The following ATRNL1 variants were observed in gnomAD, a reference collection of about 807,000 sequenced individuals.
ATRNL1 encodes the protein attractin-like protein 1.
A neutral mutation model predicts 182.7 loss-of-function variants in ATRNL1; 95 were observed. The observed-to-expected ratio is 0.52, with a 90% confidence interval of 0.44 to 0.62. ATRNL1 has a LOEUF of 0.62. Among genes scored for constraint, ATRNL1 ranks in the 20% least tolerant of loss-of-function variants. ATRNL1 has a pLI of 0.00. For missense variants in ATRNL1, 1,471 were observed against 1,679.5 expected, an observed-to-expected ratio of 0.88 and a Z score of 2.17; for synonymous variants, 576 against 568.3, an observed-to-expected ratio of 1.01 and a Z score of -0.19.
At chr10:115,698,222 A>C (rs1354902658) in intron 26 of ATRNL1, among the ~76,000 whole-genome samples, 1 of 152,096 alleles carries the variant, frequency 6.6e-6, no homozygotes, top group Non-Finnish European at 1.5e-5. Flanking sequence ...TTTAATGCTC[A>C]TGAAACTAGT....
intron 19 of ATRNL1, among the ~76,000 whole-genome samples, chr10:115,351,163 T>C (rs1360236577): frequency 6.6e-6 from 1 of 152,168 alleles, no homozygotes; most frequent in Non-Finnish European, 1.5e-5. Context: ...TTTAGGTTTT[T>C]TGAAGTATAA....
At chr10:115,218,036 T>C (rs1554896647) in intron 9 of ATRNL1, among the ~76,000 whole-genome samples, 3 of 152,054 alleles carry the variant, frequency 2.0e-5, no homozygotes, top group African/African-American at 7.2e-5. Flanking sequence ...GGAGATGGTT[T>C]TGGAATGATT....
At chr10:115,383,082 T>C (rs1858117135) in intron 19 of ATRNL1, among the ~76,000 whole-genome samples, 1 of 151,638 alleles carries the variant, frequency 6.6e-6, no homozygotes, top group Non-Finnish European at 1.5e-5. Flanking sequence ...AAAATAATTT[T>C]TCTGTATTTA....
intron 28 of ATRNL1, among the ~76,000 whole-genome samples, chr10:115,879,782 A>T (rs1464871806): frequency 6.6e-6 from 1 of 152,194 alleles, no homozygotes; most frequent in African/African-American, 2.4e-5. Context: ...AGTGGCTGCA[A>T]GGAAAGCATT....
chr10:115,436,576 A>T, intron 21 of ATRNL1, among the ~76,000 whole-genome samples: 1 of 152,138 alleles, frequency 6.6e-6, no homozygotes, highest in East Asian at 1.9e-4. Flanking sequence ...AATTCTTAAT[A>T]ATTTTCAGCA....
intron 26 of ATRNL1, among the ~76,000 whole-genome samples, chr10:115,660,133 A>T (rs1205615496): frequency 1.3e-5 from 2 of 152,122 alleles, no homozygotes; most frequent in Non-Finnish European, 2.9e-5. Context: ...AGGGGGACGA[A>T]CCAATGTATA....
At chr10:115,942,209 A>G (rs1205364121) in intron 28 of ATRNL1, among the ~76,000 whole-genome samples, 7 of 152,252 alleles carry the variant, frequency 4.6e-5, no homozygotes, top group African/African-American at 1.7e-4. Flanking sequence ...CATAAATTCC[A>G]TCTGACCCTG....
chr10:115,664,550 T>A (rs182711466), intron 26 of ATRNL1, among the ~76,000 whole-genome samples: 204 of 152,290 alleles, frequency 1.3e-3, no homozygotes, highest in African/African-American at 4.5e-3. Context: ...GCATACCACT[T>A]TGAAACAATT....
intron 14 of ATRNL1, among the ~76,000 whole-genome samples, chr10:115,282,504 T>A (rs930282942): frequency 1.9e-4 from 29 of 151,702 alleles, no homozygotes; most frequent in African/African-American, 6.5e-4. Context: ...TTTATGAGAA[T>A]CCGAATTTTA....
At chr10:115,606,255 G>A (rs1856866411) in intron 26 of ATRNL1, among the ~76,000 whole-genome samples, 2 of 151,894 alleles carry the variant, frequency 1.3e-5, no homozygotes, top group African/African-American at 4.8e-5. Context: ...TTTGATTCTA[G>A]GAATGTACAT....
chr10:115,741,921 T>C (rs1025127692), intron 27 of ATRNL1, among the ~76,000 whole-genome samples: 2 of 152,024 alleles, frequency 1.3e-5, no homozygotes, highest in Admixed American at 1.3e-4. Context: ...ATTAAGAAGA[T>C]TGAAGAGTTT....
chr10:115,272,628 G>C (rs550144771), intron 13 of ATRNL1, among the ~76,000 whole-genome samples: 2 of 152,248 alleles, frequency 1.3e-5, no homozygotes, highest in Admixed American at 1.3e-4. Flanking sequence ...TTGATTATTG[G>C]ACCCATAAAT....
At chr10:115,466,976 A>T (rs1554970929) in intron 22 of ATRNL1, among the ~76,000 whole-genome samples, 198 bp from the exon 23 acceptor site, 1 of 151,048 alleles carries the variant, frequency 6.6e-6, no homozygotes, top group African/African-American at 2.4e-5. Flanking sequence ...ATAAATGAGG[A>T]ACTTGATATC....
chr10:115,863,204 G>GT (rs1951355847), intron 28 of ATRNL1, among the ~76,000 whole-genome samples: 1 of 152,098 alleles, frequency 6.6e-6, no homozygotes, highest in Non-Finnish European at 1.5e-5. Context: ...TACCCAATCA[G>GT]TTAGGATGTG....
intron 28 of ATRNL1, among the ~76,000 whole-genome samples, chr10:115,942,657 G>A (rs995374056): frequency 1.3e-5 from 2 of 152,230 alleles, no homozygotes; most frequent in Admixed American, 1.3e-4. Context: ...CGTAGGATAA[G>A]ATCTGAAAAT....
Position 115,273,386 on chromosome 10 carries a change from T to C in ATRNL1, c.2100+4942T>C, listed in dbSNP as rs1187421712. Among the ~76,000 whole-genome samples, 3 of 152,234 alleles carry C rather than the reference T, an allele frequency of 2.0e-5. No individual in the cohort carries two copies. In the East Asian group the frequency reaches 5.8e-4, roughly 29 times the overall value. ...CGCTGGATACAAGTATCTTCACTTATTTGCCATTCAGTGAGATCTGTCCGC... is the reference window on the plus strand; with the variant it reads ...CGCTGGATACAAGTATCTTCACTTACTTGCCATTCAGTGAGATCTGTCCGC... On this transcript the variant is annotated intron_variant, in intron 13 of 28. Transcript: ENST00000355044.
At chr10:115,575,419 T>C (rs1335666806) in intron 26 of ATRNL1, among the ~76,000 whole-genome samples, 1 of 152,172 alleles carries the variant, frequency 6.6e-6, no homozygotes, top group Non-Finnish European at 1.5e-5. Context: ...AAACTCTGTA[T>C]ACTTTCTTGC....
Position 115,660,259 on chromosome 10 carries a change from C to T in ATRNL1, c.3796-66989C>T, listed in dbSNP as rs539208289. The stretch of plus-strand genomic sequence containing the variant: ...GGGTCTGAATCCCTAATTCTAAAGA[C>T]GGTGGGAGATTTCAAGCCTAAACCT... On this transcript the variant is annotated intron_variant, in intron 26 of 28. Transcript: ENST00000355044. Among the ~76,000 whole-genome samples the T allele has an allele frequency of 9.9e-5, 15 of 152,098 alleles. 1 individual carries two copies. The South Asian group carries it at 2.3e-3, about 23-fold the overall frequency.
chr10:115,141,063 T>TATG (rs1845737026), intron 5 of ATRNL1, among the ~76,000 whole-genome samples: 1 of 152,164 alleles, frequency 6.6e-6, no homozygotes, highest in South Asian at 2.1e-4. Flanking sequence ...TATGTGCTTG[T>TATG]ATGATTCTTT....
Sources: gnomAD v4.1 joint callset for allele counts (sites outside exome capture counted in the v4.1 genomes callset) on GRCh38, gnomAD v4.1.1 for gene constraint, MANE v1.5 for transcripts, NCBI Gene and HGNC (gene_info 2026-07-23, HGNC 2026-07-21) for gene names.